Variants in MGAT4C observed in about 807,000 individuals in gnomAD.
MGAT4C encodes the protein MGAT4 family member C.
A neutral mutation model predicts 40.1 loss-of-function variants in MGAT4C; 19 were observed. The observed-to-expected ratio is 0.47, with a 90% CI of 0.33 to 0.70. The LOEUF (loss-of-function observed/expected upper bound fraction) is 0.70. Among genes scored for constraint, MGAT4C ranks in the 30% least tolerant of loss-of-function variants. The pLI is 0.02. For synonymous variants in MGAT4C, 181 were observed against 187.1 expected, an observed-to-expected ratio of 0.97 and a Z score of 0.27; for missense variants, 491 against 563.2, an observed-to-expected ratio of 0.87 and a Z score of 1.30.
At chr12:86,695,657 A>T (rs780759899) in intron 2 of MGAT4C, among the ~76,000 whole-genome samples, 5 of 152,154 alleles carry the variant, frequency 3.3e-5, no homozygotes, top group Non-Finnish European at 7.4e-5. Context: ...ATGTTAAGTG[A>T]AAAGGCCAGG....
intron 2 of MGAT4C, among the ~76,000 whole-genome samples, chr12:86,455,166 G>C (rs1957489629): frequency 6.6e-6 from 1 of 152,086 alleles, no homozygotes; most frequent in Non-Finnish European, 1.5e-5. Flanking sequence ...AAATGTGTTT[G>C]AATGAAAAGA....
intron 1 of MGAT4C, among the ~76,000 whole-genome samples, chr12:86,778,521 A>C (rs1258190567): frequency 6.6e-6 from 1 of 152,186 alleles, no homozygotes; most frequent in Admixed American, 6.5e-5. Flanking sequence ...AAATGAGCAA[A>C]GATGGCCTAG....
At chr12:86,138,001 T>TA (rs1282366571) in intron 1 of MGAT4C, among the ~76,000 whole-genome samples, 1 of 152,184 alleles carries the variant, frequency 6.6e-6, no homozygotes, top group African/African-American at 2.4e-5. Context: ...ATCACACACT[T>TA]ACATGGTTTC....
At chr12:86,016,183 T>G (rs1364920136) in intron 2 of MGAT4C, 2 of 152,182 alleles carry the variant, frequency 1.3e-5, no homozygotes, top group Admixed American at 6.5e-5. Context: ...ACAATCCTTT[T>G]TCTAGAAGGA....
chr12:86,251,037 C>T (rs932721867), intron 1 of MGAT4C, among the ~76,000 whole-genome samples: 1 of 151,178 alleles, frequency 6.6e-6, no homozygotes, highest in East Asian at 1.9e-4. Context: ...AGTAATTGAA[C>T]ATTTACTATA....
chr12:86,058,064 G>C (rs1429938078), intron 1 of MGAT4C, among the ~76,000 whole-genome samples: 2 of 152,018 alleles, frequency 1.3e-5, no homozygotes, highest in Non-Finnish European at 2.9e-5. Context: ...TTATAAAAGA[G>C]AGAGTAAATA....
chr12:86,195,265 A>T (rs1160645267), intron 1 of MGAT4C, among the ~76,000 whole-genome samples: 1 of 152,184 alleles, frequency 6.6e-6, no homozygotes, highest in Admixed American at 6.5e-5. Flanking sequence ...TGGTTGCTGA[A>T]GTAGTTCTTT....
At chr12:86,278,178 CTTTTTTT>C (rs57981698) in intron 4 of MGAT4C, among the ~76,000 whole-genome samples, 7 of 99,936 alleles carry the variant, frequency 7.0e-5, no homozygotes, top group Non-Finnish European at 5.7e-5. Context: ...TGTTGACTTC[CTTTTTTT>C]TTTTTTTTTT....
At chr12:86,278,684 ATTT>A (rs764624503) in intron 4 of MGAT4C, among the ~76,000 whole-genome samples, 7 of 151,494 alleles carry the variant, frequency 4.6e-5, no homozygotes, top group Admixed American at 2.0e-4. Flanking sequence ...ATTTGATGCA[ATTT>A]TTTTCTTTCT....
intron 1 of MGAT4C, among the ~76,000 whole-genome samples, chr12:86,084,115 T>C (rs986817786): frequency 1.7e-4 from 26 of 152,088 alleles, no homozygotes; most frequent in African/African-American, 6.0e-4. Context: ...GAACTGAGGA[T>C]AGAAGAAGTC....
At chr12:86,520,575 C>A (rs1248720649) in intron 2 of MGAT4C, among the ~76,000 whole-genome samples, 1 of 152,066 alleles carries the variant, frequency 6.6e-6, no homozygotes, top group East Asian at 1.9e-4. Context: ...ATTTATATTT[C>A]TTTGGGCATA....
chr12:86,199,079 T>C (rs750108331), intron 1 of MGAT4C, among the ~76,000 whole-genome samples: 1 of 152,222 alleles, frequency 6.6e-6, no homozygotes, highest in Non-Finnish European at 1.5e-5. Context: ...TTCTGAAATT[T>C]ATTCCAGATT....
chr12:86,303,582 T>G (rs762171241), intron 4 of MGAT4C, among the ~76,000 whole-genome samples: 22 of 149,568 alleles, frequency 1.5e-4, no homozygotes, highest in Non-Finnish European at 1.9e-4. Context: ...ATAAAACTAC[T>G]GCAATCCAGA....
chr12:86,166,579 TGAG>T (rs1886219112), intron 1 of MGAT4C, among the ~76,000 whole-genome samples: 1 of 152,002 alleles, frequency 6.6e-6, no homozygotes, highest in Admixed American at 6.6e-5. Context: ...GGCTGAGGCA[TGAG>T]AATCATTTGA....
chr12:86,694,146 G>A (rs1426679451), intron 2 of MGAT4C, among the ~76,000 whole-genome samples: 1 of 152,056 alleles, frequency 6.6e-6, no homozygotes, highest in East Asian at 1.9e-4. Context: ...TAACTGATGT[G>A]TCTTTCCAGC....
intron 3 of MGAT4C, among the ~76,000 whole-genome samples, chr12:86,389,888 G>T (rs746104205): frequency 6.6e-6 from 1 of 151,958 alleles, no homozygotes; most frequent in Non-Finnish European, 1.5e-5. Context: ...ATATTTCACC[G>T]TAACAATGCC....
intron 2 of MGAT4C, among the ~76,000 whole-genome samples, chr12:86,670,752 G>T (rs1964235871): frequency 6.6e-6 from 1 of 152,034 alleles, no homozygotes; most frequent in South Asian, 2.1e-4. Flanking sequence ...CATCACCAAG[G>T]CATATGGTCA....
chr12:86,213,877 G>A (rs753415640), intron 1 of MGAT4C, among the ~76,000 whole-genome samples: 9 of 152,196 alleles, frequency 5.9e-5, no homozygotes, highest in African/African-American at 1.9e-4. Context: ...TTATGTGACT[G>A]CCTGAAATCA....
intron 3 of MGAT4C, among the ~76,000 whole-genome samples, chr12:86,407,721 A>T (rs1956503466): frequency 6.6e-6 from 1 of 152,078 alleles, no homozygotes; most frequent in Non-Finnish European, 1.5e-5. Flanking sequence ...TGAATAAATC[A>T]TACTCCTCGC....
Sources: allele counts gnomAD v4.1 joint callset (sites outside exome capture counted in the v4.1 genomes callset), GRCh38; gene constraint gnomAD v4.1.1; transcripts MANE v1.5; gene names NCBI Gene and HGNC (gene_info 2026-07-23, HGNC 2026-07-21).